The following POLR3A variants were observed in gnomAD, a reference collection of about 807,000 sequenced individuals.
POLR3A encodes DNA-directed RNA polymerase III subunit RPC1.
Under a neutral mutation model 152.8 loss-of-function variants are expected in POLR3A, and 112 were observed. That is an observed-to-expected ratio of 0.73 (90% CI 0.63 to 0.86). The LOEUF is 0.86. Ranked by LOEUF, POLR3A falls within the 40% of genes least tolerant of loss-of-function variation. The pLI is 0.00. For synonymous variants in POLR3A, 615 were observed against 652.1 expected (o/e 0.94, Z 0.87); for missense variants, 1,385 against 1,743.1 (o/e 0.79, Z 3.66).
At chr10:77,978,181 AG>A (rs2131923744) in intron 30 of POLR3A, among the ~76,000 whole-genome samples, 1 of 152,316 alleles carries the variant, frequency 6.6e-6, no homozygotes, top group Admixed American at 6.5e-5. Context: ...CCCAGAAGGC[AG>A]GGCACCTATA....
intron 21 of POLR3A, among the ~76,000 whole-genome samples, chr10:77,990,212 A>C (rs945044925): frequency 2.6e-5 from 4 of 152,208 alleles, no homozygotes; most frequent in Non-Finnish European, 4.4e-5. Flanking sequence ...CCATAAAAAA[A>C]AAACAAAAAA....
chr10:77,995,829 A>G (rs1847295254), intron 19 of POLR3A, among the ~76,000 whole-genome samples: 1 of 152,192 alleles, frequency 6.6e-6, no homozygotes, highest in African/African-American at 2.4e-5. Context: ...CATCTACAGA[A>G]TTCTCCACCC....
chr10:78,024,155 G>A lies in POLR3A; in HGVS notation c.645+394C>T, dbSNP rs547122142. Reference sequence around the variant, plus strand: ...GAGGCGACTGGATCACCTGTGGTCAGGAGTTCAAGACTGGCCTGGCCAATA... The same window carrying A: ...GAGGCGACTGGATCACCTGTGGTCAAGAGTTCAAGACTGGCCTGGCCAATA... On this transcript the variant is annotated intron_variant, in intron 5 of 30. Coordinates refer to ENST00000372371, the MANE Select transcript of POLR3A (RefSeq NM_007055.4). Among the ~76,000 whole-genome samples the A allele has an allele frequency of 2.6e-4, 40 of 152,178 alleles. No individual in the cohort carries two copies. In the East Asian group the frequency reaches 7.2e-3, roughly 27 times the overall value.
intron 1 of POLR3A, among the ~76,000 whole-genome samples, chr10:78,028,772 G>A (rs1847661211): frequency 6.6e-6 from 1 of 151,990 alleles, no homozygotes; most frequent in Admixed American, 6.6e-5. Flanking sequence ...TAAAGTGCTG[G>A]GATTACAGGA....
chr10:78,014,440 G>A (rs967805000), intron 10 of POLR3A, among the ~76,000 whole-genome samples: 2 of 151,330 alleles, frequency 1.3e-5, no homozygotes, highest in South Asian at 2.1e-4. Flanking sequence ...TTTTTGAGAC[G>A]TAGTCTCACT....
At chr10:78,027,962 G>A (rs983638593) in intron 1 of POLR3A, among the ~76,000 whole-genome samples, 13 of 152,194 alleles carry the variant, frequency 8.5e-5, no homozygotes, top group African/African-American at 2.9e-4. Flanking sequence ...CAGGTGTACA[G>A]GTGGGTGTGA....
chr10:78,020,153 AAT>A (rs1434509529), intron 8 of POLR3A: 1 of 145,986 alleles, frequency 6.8e-6, no homozygotes, highest in Non-Finnish European at 1.5e-5. Flanking sequence ...TAGCCTGGGC[AAT>A]AGAGTGAGAC....
intron 29 of POLR3A, among the ~76,000 whole-genome samples, chr10:77,981,060 A>C (rs1431933833): frequency 6.6e-6 from 1 of 152,166 alleles, no homozygotes; most frequent in Non-Finnish European, 1.5e-5. Flanking sequence ...TGGCTACAGA[A>C]GAGTGATGGA....
chr10:78,011,830 GA>G (rs1847469316), intron 11 of POLR3A, among the ~76,000 whole-genome samples: 1 of 152,170 alleles, frequency 6.6e-6, no homozygotes, highest in African/African-American at 2.4e-5. Flanking sequence ...TGAAATTGAG[GA>G]AACTTGTCCA....
chr10:78,018,786 A>C (rs1290348765), intron 9 of POLR3A, among the ~76,000 whole-genome samples: 1 of 152,076 alleles, frequency 6.6e-6, no homozygotes, highest in African/African-American at 2.4e-5. Context: ...TTTCTTTGCC[A>C]TATTGGCCAG....
chr10:78,022,661 G>GT (rs553745804), intron 5 of POLR3A, among the ~76,000 whole-genome samples: 137 of 152,276 alleles, frequency 9.0e-4, no homozygotes, highest in Non-Finnish European at 1.3e-3. Context: ...CACAAAAGCT[G>GT]TTTTTTGTTA....
At chr10:78,020,178 A>G (rs1180935991) in intron 8 of POLR3A, 4 of 151,308 alleles carry the variant, frequency 2.6e-5, no homozygotes, top group African/African-American at 7.3e-5. Context: ...AGTCTCAAAA[A>G]AAAAAAAAAA....
At chr10:77,980,817 G>A (rs967104913) in intron 29 of POLR3A, among the ~76,000 whole-genome samples, 13 of 152,132 alleles carry the variant, frequency 8.5e-5, no homozygotes, top group Non-Finnish European at 1.6e-4. Flanking sequence ...ACATCGAACC[G>A]ACAGCCTCAG....
In POLR3A at chr10:78,009,592, T is replaced by A. The variant is rs1193410690; in HGVS notation, c.1854A>T (p.Arg618=). The A allele has an allele frequency of 3.1e-6, 5 of 1,614,214 alleles. No individual in the cohort carries two copies. The African/African-American group carries it at 4.0e-5, about 13-fold the overall frequency. Residue 618 remains arginine (R), a synonymous_variant, in exon 14 of 31, where the codon CGA becomes CGT. Coordinates refer to ENST00000372371, the MANE Select transcript of POLR3A (RefSeq NM_007055.4). ...TGCCACAGTACTGCTTGCCCTTGGT[T>A]CGCAGGTTGGCCCTCACTGGATTGT... ...SDDNPVRANL[R]TKGKQYCGKG... is the part of the protein sequence containing the mutation.
At chr10:77,981,614 T>C in intron 28 of POLR3A, 55 bp from the exon 29 acceptor site, 2 of 1,593,770 alleles carry the variant, frequency 1.3e-6, no homozygotes, top group Non-Finnish European at 1.7e-6. Flanking sequence ...CCACTGCAAA[T>C]TCTCTCCACT....
chr10:77,982,543 C>A, intron 27 of POLR3A, 110 bp downstream of exon 27: 1 of 1,064,696 alleles, frequency 9.4e-7, no homozygotes, highest in Admixed American at 1.9e-5. Context: ...GGGATAAGGC[C>A]AAGAAGAAAT....
chr10:77,985,445 T>G (rs545400839), intron 23 of POLR3A, 105 bp from the exon 24 acceptor site: 1 of 903,324 alleles, frequency 1.1e-6, no homozygotes, highest in Non-Finnish European at 1.8e-6. Context: ...AGAATATAGA[T>G]GCTATTAGGG....
intron 21 of POLR3A, among the ~76,000 whole-genome samples, chr10:77,989,045 G>A (rs763315670): frequency 6.7e-5 from 10 of 149,860 alleles, no homozygotes; most frequent in Non-Finnish European, 1.3e-4. Context: ...CACATTTCCC[G>A]TGGGTTTGCT....
chr10:78,004,195 C>T (rs1213596342), intron 16 of POLR3A, among the ~76,000 whole-genome samples: 2 of 152,122 alleles, frequency 1.3e-5, no homozygotes, highest in African/African-American at 4.8e-5. Flanking sequence ...GATCGTACCA[C>T]TGCACTCCAG....
Sources: gnomAD v4.1 joint callset for allele counts (sites outside exome capture counted in the v4.1 genomes callset) on GRCh38, gnomAD v4.1.1 for gene constraint, MANE v1.5 for transcripts, NCBI Gene and HGNC (gene_info 2026-07-23, HGNC 2026-07-21) for gene names.